Variants in ZHX2 observed in about 807,000 individuals in gnomAD.
ZHX2 encodes the protein zinc fingers and homeoboxes protein 2.
A neutral mutation model predicts 21.9 loss-of-function variants in ZHX2; 6 were observed. The observed-to-expected ratio is 0.27, with a 90% CI of 0.15 to 0.54. The LOEUF (loss-of-function observed/expected upper bound fraction) is 0.54. Among genes scored for constraint, ZHX2 ranks in the 20% least tolerant of loss-of-function variants. ZHX2 has a pLI of 0.95. For missense variants in ZHX2, 908 were observed against 1,090.7 expected (o/e 0.83, Z 2.36); for synonymous variants, 434 against 437.1 (o/e 0.99, Z 0.09).
chr8:122,846,965 A>T (rs1324914804), intron 1 of ZHX2, among the ~76,000 whole-genome samples: 1 of 152,180 alleles, frequency 6.6e-6, no homozygotes, highest in Non-Finnish European at 1.5e-5. Flanking sequence ...TAAAACATTA[A>T]AAGAGTTGAG....
At chr8:122,860,318 G>A (rs1040447317) in intron 1 of ZHX2, among the ~76,000 whole-genome samples, 1 of 152,208 alleles carries the variant, frequency 6.6e-6, no homozygotes, top group Non-Finnish European at 1.5e-5. Context: ...GATGAGATTT[G>A]GGTGGGGACA....
rs572479141 is a variant in ZHX2, at chr8:122,791,593, G to A, written c.-283+9647G>A. Among the ~76,000 whole-genome samples the A allele has an allele frequency of 6.6e-4, 100 of 152,318 alleles. No homozygotes were observed. The Middle Eastern group carries it at 0.014, about 21-fold the overall frequency. On this transcript the variant is annotated intron_variant, in intron 1 of 3. Transcript: ENST00000314393. Reference sequence around the variant, plus strand: ...AAGATGATGTATAGGGGCCGGGTGCGGTGGCTCACGCCTGTAATCCTAGCA... The same window carrying A: ...AAGATGATGTATAGGGGCCGGGTGCAGTGGCTCACGCCTGTAATCCTAGCA...
At chr8:122,841,903 CTGAGATATGAAGTCTCAGTA>C (rs747401350) in intron 1 of ZHX2, among the ~76,000 whole-genome samples, 4 of 152,164 alleles carry the variant, frequency 2.6e-5, no homozygotes, top group Non-Finnish European at 5.9e-5. Flanking sequence ...TAAACTTGTA[CTGAGATATGAAGTCTCAGTA>C]TGAGATATGA....
chr8:122,952,794 G>GC lies in ZHX2; in HGVS notation c.1289dup (p.Pro431ThrfsTer13), dbSNP rs1563602878. The GC allele has an allele frequency of 6.2e-7, 1 of 1,614,006 alleles. No homozygotes were observed. Among genetic ancestry groups the GC allele is most frequent in the Non-Finnish European group, 8.5e-7 (1 of 1,180,014 alleles). ...GTCCACACATCGCTCAGGTGCCAGA[G>GC]CCCCCACCCAAGGTGGCCAACCCCC... On this transcript the variant is annotated frameshift_variant, in exon 3 of 4. Transcript: ENST00000314393. LOFTEE classifies it low-confidence loss of function (END_TRUNC). The surrounding 1 kb of genome is among the most constrained non-coding windows in gnomAD (Gnocchi z 6.9).
In ZHX2 at chr8:122,953,448, G is replaced by A. The variant is rs368727772; in HGVS notation, c.1938G>A (p.Thr646=). 1.2e-5 allele frequency: 19 copies of A among 1,614,106 alleles called. No homozygotes were observed. The highest frequency in any genetic ancestry group is 6.7e-5 in the African/African-American group (5 of 74,944). The part of the protein sequence containing the change: ...SQEQVHLLRS[T]FARTQWPTPQ... ...AACAGGTTCATCTCCTGAGGAGCAC[G>A]TTTGCAAGAACCCAGTGGCCTACTC... is the stretch of plus-strand genomic sequence containing the variant. Residue 646 remains threonine, a synonymous_variant, in exon 3 of 4, where the codon ACG becomes ACA. Coordinates refer to ENST00000314393, the MANE Select transcript of ZHX2 (RefSeq NM_014943.5). The surrounding 1 kb of genome is among the most constrained non-coding windows in gnomAD (Gnocchi z 4.6).
intron 2 of ZHX2, among the ~76,000 whole-genome samples, chr8:122,911,766 A>G (rs1820486437): frequency 6.6e-6 from 1 of 152,150 alleles, no homozygotes; most frequent in Admixed American, 6.5e-5. Context: ...ACACAGAGCT[A>G]CGAGCCTATG....
At chr8:122,783,586 T>G (rs1817336236) in intron 1 of ZHX2, among the ~76,000 whole-genome samples, 1 of 152,168 alleles carries the variant, frequency 6.6e-6, no homozygotes, top group Non-Finnish European at 1.5e-5. Flanking sequence ...CTCTTCAAGA[T>G]TTGAGTCAAA....
At chr8:122,896,438 C>T (rs1820103008) in intron 2 of ZHX2, among the ~76,000 whole-genome samples, 1 of 152,166 alleles carries the variant, frequency 6.6e-6, no homozygotes, top group Non-Finnish European at 1.5e-5. Flanking sequence ...TTTTGAGCGT[C>T]AGTTCTATGT....
rs767775136 is a variant in ZHX2, at chr8:122,953,742, G to A, written c.2232G>A (p.Lys744=). Reference sequence around the variant, plus strand: ...AGCTCTGCGAAGAGGACTTGGAGAAGTTGGTGACCAGGGTAAAAGTAGGCA... The same window carrying A: ...AGCTCTGCGAAGAGGACTTGGAGAAATTGGTGACCAGGGTAAAAGTAGGCA... ...PKKLCEEDLE[K]LVTRVKVGSE... is the part of the protein sequence containing the mutation. The change falls in exon 3 of 4, where the codon AAG becomes AAA. Residue 744 remains lysine (K), a synonymous_variant. Coordinates refer to ENST00000314393, the MANE Select transcript of ZHX2 (RefSeq NM_014943.5). The surrounding 1 kb of genome is among the most constrained non-coding windows in gnomAD (Gnocchi z 4.6). 1 of 1,614,148 alleles carries A rather than the reference G, an allele frequency of 6.2e-7. No individual in the cohort carries two copies. The highest frequency in any genetic ancestry group is 1.3e-5 in the African/African-American group (1 of 74,948).
chr8:122,859,321 C>T (rs1819107246), intron 1 of ZHX2, among the ~76,000 whole-genome samples: 1 of 152,216 alleles, frequency 6.6e-6, no homozygotes, highest in Non-Finnish European at 1.5e-5. Flanking sequence ...CCAGCCAAGT[C>T]ACTCTGCCCT....
chr8:122,861,429 TAAGTC>T (rs1819164477), intron 1 of ZHX2, among the ~76,000 whole-genome samples: 1 of 152,304 alleles, frequency 6.6e-6, no homozygotes, highest in East Asian at 1.9e-4. Context: ...GACTCACTGA[TAAGTC>T]AAGAATGCCA....
At chr8:122,790,809 T>TGTTG (rs1459164467) in intron 1 of ZHX2, among the ~76,000 whole-genome samples, 1 of 152,156 alleles carries the variant, frequency 6.6e-6, no homozygotes, top group Non-Finnish European at 1.5e-5. Flanking sequence ...GGTTTCACCA[T>TGTTG]GTTGGCCAGG....
intron 2 of ZHX2, among the ~76,000 whole-genome samples, chr8:122,886,713 T>C (rs1819849739): frequency 6.6e-6 from 1 of 152,166 alleles, no homozygotes; most frequent in Non-Finnish European, 1.5e-5. Flanking sequence ...ATTGTAATCA[T>C]AATAGTGAAC....
In ZHX2 at chr8:122,926,425, A is replaced by G. The variant is rs533458560; in HGVS notation, c.-219-24867A>G. 4.6e-5 allele frequency among the ~76,000 whole-genome samples: 7 copies of G among 152,296 alleles called. No homozygotes were observed. The South Asian group carries it at 1.0e-3, about 23-fold the overall frequency. On this transcript the variant is annotated intron_variant, in intron 2 of 3. Coordinates refer to ENST00000314393, the MANE Select transcript of ZHX2 (RefSeq NM_014943.5). ...AAACTCTCTGAGTATAGGGATTGTAATACTTTCCTGTGACTGCTGTAACTG... is the reference window on the plus strand; with the variant it reads ...AAACTCTCTGAGTATAGGGATTGTAGTACTTTCCTGTGACTGCTGTAACTG...
chr8:122,817,997 C>T (rs1351159254), intron 1 of ZHX2, among the ~76,000 whole-genome samples: 3 of 152,218 alleles, frequency 2.0e-5, no homozygotes, highest in African/African-American at 7.2e-5. Flanking sequence ...CTCTTCAAAG[C>T]TCAGGGCACT....
In ZHX2 at chr8:122,819,278, A is replaced by C. The variant is rs117151269; in HGVS notation, c.-283+37332A>C. 1.8e-4 allele frequency among the ~76,000 whole-genome samples: 28 copies of C among 152,216 alleles called. 1 individual carries two copies. The East Asian group carries it at 3.7e-3, about 20-fold the overall frequency. On this transcript the variant is annotated intron_variant, in intron 1 of 3. Coordinates refer to ENST00000314393, the MANE Select transcript of ZHX2 (RefSeq NM_014943.5). ...TGAGCAGGCTGCCTGACCACTCTGC[A>C]CCTCTGTTTCCTCACCTACAGAATG...
At chr8:122,956,550 G>T (rs1042034512) in intron 3 of ZHX2, among the ~76,000 whole-genome samples, 1 of 152,014 alleles carries the variant, frequency 6.6e-6, no homozygotes, top group African/African-American at 2.4e-5. Flanking sequence ...GGGAAAGAGG[G>T]GTCCACATGG....
At chr8:122,906,848 T>A (rs1185133166) in intron 2 of ZHX2, among the ~76,000 whole-genome samples, 7 of 151,836 alleles carry the variant, frequency 4.6e-5, no homozygotes, top group African/African-American at 1.7e-4. Context: ...TTTTTGTATT[T>A]TTAGTAGAGA....
At chr8:122,789,887 T>C (rs1817477262) in intron 1 of ZHX2, among the ~76,000 whole-genome samples, 1 of 152,238 alleles carries the variant, frequency 6.6e-6, no homozygotes, top group Admixed American at 6.5e-5. Context: ...GGTGAATTTC[T>C]GCCAGAGACC....
Sources: allele counts gnomAD v4.1 joint callset (sites outside exome capture counted in the v4.1 genomes callset), GRCh38; gene constraint gnomAD v4.1.1; non-coding constraint Gnocchi (gnomAD v3.1); transcripts MANE v1.5; gene names NCBI Gene and HGNC (gene_info 2026-07-23, HGNC 2026-07-21).